Variants in C2CD2 observed in about 807,000 individuals in gnomAD.
C2CD2 encodes C2 calcium dependent domain containing 2.
A neutral mutation model predicts 74.3 loss-of-function variants in C2CD2; 43 were observed. The observed-to-expected ratio is 0.58, with a 90% confidence interval of 0.45 to 0.75. C2CD2 has a LOEUF of 0.75. C2CD2 is among the 30% of genes least tolerant of loss of function. The pLI, the probability that C2CD2 is intolerant of heterozygous loss-of-function variation, is 0.00. For synonymous variants in C2CD2, 422 were observed against 390.7 expected, an observed-to-expected ratio of 1.08 and a Z score of -0.94; for missense variants, 801 against 916.3, an observed-to-expected ratio of 0.87 and a Z score of 1.63.
In C2CD2 at chr21:41,939,952, T is replaced by C. The variant is rs781295835; in HGVS notation, c.378+2195A>G. ...AACAGACACAATCGCTGCAGCACTG[T>C]CTGTGCGGACTGAGCATCCCGAATC... On this transcript the variant is annotated intron_variant, in intron 2 of 13. Transcript: ENST00000380486. This position sits in a 1 kb window ranked among gnomAD's most constrained non-coding sequence, Gnocchi z 5.5. 3.5e-4 allele frequency among the ~76,000 whole-genome samples: 54 copies of C among 152,284 alleles called. No individual in the cohort carries two copies. Among genetic ancestry groups the C allele is most frequent in the Non-Finnish European group, 7.4e-4 (50 of 68,010 alleles).
rs144662140 is a variant in C2CD2, at chr21:41,912,361, C to T, written c.924G>A (p.Pro308=). The part of the protein sequence containing the change: ...RFSSTLTKNT[P]DLMWEEEFTF... ...TGAATTCCTCTTCCCACATGAGGTC[C>T]GGAGTGTTTTTCGTCAGGGTGCTGG... Residue 308 remains proline (P), a synonymous_variant, in exon 7 of 14, where the codon CCG becomes CCA. Transcript: ENST00000380486. 69 of 1,611,892 alleles carry T rather than the reference C, an allele frequency of 4.3e-5. No homozygotes were observed. The highest frequency in any genetic ancestry group is 5.3e-5 in the Non-Finnish European group (63 of 1,179,426).
rs138684406 is a variant in C2CD2, at chr21:41,890,956, G to A, written c.1871-1612C>T. Among the ~76,000 whole-genome samples the A allele has an allele frequency of 4.6e-5, 7 of 152,290 alleles. No individual in the cohort carries two copies. In the East Asian group the frequency reaches 5.8e-4, roughly 13 times the overall value. On this transcript the variant is annotated intron_variant, in intron 13 of 13. Transcript: ENST00000380486. The stretch of plus-strand genomic sequence containing the variant: ...AGGACAGAAACTGAGAAGATGAAAG[G>A]CCGCAATGGACTGAATTTAATTTGA...
chr21:41,905,489 TG>T (rs1015504357), intron 11 of C2CD2, among the ~76,000 whole-genome samples: 4 of 152,096 alleles, frequency 2.6e-5, no homozygotes, highest in African/African-American at 9.7e-5. Flanking sequence ...AGCTAATTTT[TG>T]TATTTTTAGT....
chr21:41,901,572 G>A (rs1422106560), intron 12 of C2CD2, 50 bp downstream of exon 12: 3 of 1,602,168 alleles, frequency 1.9e-6, no homozygotes, highest in African/African-American at 1.3e-5. Flanking sequence ...GGAGCAGCAG[G>A]TCACTGACAG....
At position 41,903,641 on chromosome 21, in the gene C2CD2, C is replaced by T. The variant is rs1267107147; in HGVS notation, c.1433-1892G>A. 6.6e-6 allele frequency among the ~76,000 whole-genome samples: 1 copy of T among 152,156 alleles called. No individual in the cohort carries two copies. The highest frequency in any genetic ancestry group is 1.5e-5 in the Non-Finnish European group (1 of 68,012). On this transcript the variant is annotated intron_variant, in intron 11 of 13. Coordinates refer to ENST00000380486, the MANE Select transcript of C2CD2 (RefSeq NM_015500.2). This position sits in a 1 kb window ranked among gnomAD's most constrained non-coding sequence, Gnocchi z 4.5. ...GAGGACTCCTTAGGAGAAAGCTGTG[C>T]TGTAATTCCCAAAGCCACCAAGGGA...
chr21:41,937,094 T>C (rs148385841), intron 2 of C2CD2, among the ~76,000 whole-genome samples: 3,300 of 145,372 alleles, frequency 0.023, 116 homozygotes, highest in African/African-American at 0.08. Flanking sequence ...GCTGGGATTA[T>C]AGGCGTGAGC....
At chr21:41,931,419 A>C (rs1042319678) in intron 2 of C2CD2, among the ~76,000 whole-genome samples, 3 of 124,136 alleles carry the variant, frequency 2.4e-5, no homozygotes, top group Non-Finnish European at 5.2e-5. Flanking sequence ...TCTTTTGAGA[A>C]GAGTGTCTTT....
chr21:41,894,983 G>C (rs766060500), intron 13 of C2CD2: 41 of 456,320 alleles, frequency 9.0e-5, no homozygotes, highest in Non-Finnish European at 1.7e-4. Flanking sequence ...GTGTCAACCT[G>C]GCTGCAGCAC....
chr21:41,907,515 T>C, intron 9 of C2CD2, 145 bp downstream of exon 9: 4 of 856,716 alleles, frequency 4.7e-6, no homozygotes, highest in Non-Finnish European at 7.1e-6. Flanking sequence ...AGTCTGGTCC[T>C]GCGTACGATG....
chr21:41,941,271 G>T (rs1280460299), intron 2 of C2CD2, among the ~76,000 whole-genome samples: 1 of 152,142 alleles, frequency 6.6e-6, no homozygotes, highest in Non-Finnish European at 1.5e-5. Flanking sequence ...TAAGGCAGGA[G>T]GATCATTTGG....
At position 41,926,561 on chromosome 21, in the gene C2CD2, T is replaced by C; in HGVS notation, c.379-4476A>G. On this transcript the variant is annotated intron_variant, in intron 2 of 13. Coordinates refer to ENST00000380486, the MANE Select transcript of C2CD2 (RefSeq NM_015500.2). The surrounding 1 kb of genome is among the most constrained non-coding windows in gnomAD (Gnocchi z 8.0). Reference sequence around the variant, plus strand: ...CCAGCCTCAACACCTTGACCTCATGTAGTCACATACCTATGCAAACAGCGC... The same window carrying C: ...CCAGCCTCAACACCTTGACCTCATGCAGTCACATACCTATGCAAACAGCGC... 2 of 879,286 alleles carry C rather than the reference T, an allele frequency of 2.3e-6. No homozygotes were observed. The highest frequency in any genetic ancestry group is 1.2e-4 in the East Asian group (1 of 8,292). 54.5% of individuals were successfully genotyped at this position (879,286 alleles called of 1,614,324 possible).
rs534684478 is a variant in C2CD2 at position 41,904,281 on chromosome 21, C to A, written c.1432+1443G>T. ...ATGGCAAAGGCAAGAAGTTACCCTA[C>A]GTGGTCTGAAAAGGGGAGGAATGCT... is the stretch of plus-strand genomic sequence containing the variant. On this transcript the variant is annotated intron_variant, in intron 11 of 13. Transcript: ENST00000380486. 4.6e-5 allele frequency among the ~76,000 whole-genome samples: 7 copies of A among 151,922 alleles called. No individual in the cohort carries two copies. The South Asian group carries it at 1.5e-3, about 32-fold the overall frequency.
In C2CD2 at chr21:41,944,981, G is replaced by A. The variant is rs149909197; in HGVS notation, c.280-2736C>T. ...ACACTGAAGGGGATGGGAAAAACACGGATATAACCTAAGAAGCTTGGAAAA... is the reference window on the plus strand; with the variant it reads ...ACACTGAAGGGGATGGGAAAAACACAGATATAACCTAAGAAGCTTGGAAAA... On this transcript the variant is annotated intron_variant, in intron 1 of 13. Coordinates refer to ENST00000380486, the MANE Select transcript of C2CD2 (RefSeq NM_015500.2). Among the ~76,000 whole-genome samples the A allele has an allele frequency of 3.5e-3, 540 of 152,270 alleles. 4 individuals carry two copies. The highest frequency in any genetic ancestry group is 0.012 in the African/African-American group (514 of 41,542).
chr21:41,901,244 G>C (rs1230090477), intron 12 of C2CD2: 1 of 322,910 alleles, frequency 3.1e-6, no homozygotes, highest in Admixed American at 4.4e-5. Flanking sequence ...AAAGTAAAAG[G>C]CTTTGGAAAC....
chr21:41,943,594 G>A (rs9979420), intron 1 of C2CD2, among the ~76,000 whole-genome samples: 67,847 of 152,064 alleles, frequency 0.45, 15,876 homozygotes, highest in Middle Eastern at 0.57. Context: ...CATCTCCACC[G>A]TGGTGAGCTA....
At chr21:41,910,610 G>GT (rs2065015836) in intron 7 of C2CD2, among the ~76,000 whole-genome samples, 2 of 151,932 alleles carry the variant, frequency 1.3e-5, no homozygotes. Flanking sequence ...GGTAGCTCTG[G>GT]CTTTTGTATT....
rs1473308323 is a variant in C2CD2 at position 41,892,926 on chromosome 21, C to A, written c.1871-3582G>T. ...CGCAGCCCACCCGCAGGGCCCGGTG[C>A]CACGCCAGAGACGCGCGGTGCGCCC... On this transcript the variant is annotated intron_variant, in intron 13 of 13. Coordinates refer to ENST00000380486, the MANE Select transcript of C2CD2 (RefSeq NM_015500.2). The surrounding 1 kb of genome is among the most constrained non-coding windows in gnomAD (Gnocchi z 4.6). 1.3e-5 allele frequency among the ~76,000 whole-genome samples: 2 copies of A among 152,244 alleles called. No homozygotes were observed. Among genetic ancestry groups the A allele is most frequent in the Non-Finnish European group, 2.9e-5 (2 of 68,050 alleles).
Position 41,912,320 on chromosome 21 carries a change from G to T in C2CD2, c.953+12C>A. 2 of 1,572,152 alleles carry T rather than the reference G, an allele frequency of 1.3e-6. No individual in the cohort carries two copies. Among genetic ancestry groups the T allele is most frequent in the Non-Finnish European group, 1.7e-6 (2 of 1,145,188 alleles). ...CCGTGGACACACAGGCCCATAACCCGGCCAGACTCACAAGGTGAATTCCTC... is the reference window on the plus strand; with the variant it reads ...CCGTGGACACACAGGCCCATAACCCTGCCAGACTCACAAGGTGAATTCCTC... On this transcript the variant is annotated intron_variant, in intron 7 of 13. Transcript: ENST00000380486.
In C2CD2 at chr21:41,924,246, TG is replaced by T. The variant is rs1278834532; in HGVS notation, c.379-2162del. On this transcript the variant is annotated intron_variant, in intron 2 of 13. Transcript: ENST00000380486. The surrounding 1 kb of genome is among the most constrained non-coding windows in gnomAD (Gnocchi z 4.4). ...CTGGCTCCTGGCCGCAGCCAAGCCCTGGGTCCAGCTCTTCCCACCAGTGGCC... is the reference window on the plus strand; with the variant it reads ...CTGGCTCCTGGCCGCAGCCAAGCCCTGGTCCAGCTCTTCCCACCAGTGGCC... Among the ~76,000 whole-genome samples, 1 of 152,180 alleles carries T rather than the reference TG, an allele frequency of 6.6e-6. No homozygotes were observed. The highest frequency in any genetic ancestry group is 1.5e-5 in the Non-Finnish European group (1 of 68,034).
Sources: gnomAD v4.1 joint callset for allele counts (sites outside exome capture counted in the v4.1 genomes callset) on GRCh38, gnomAD v4.1.1 for gene constraint, Gnocchi (gnomAD v3.1) non-coding constraint, MANE v1.5 for transcripts, NCBI Gene and HGNC (gene_info 2026-07-23, HGNC 2026-07-21) for gene names.